The following HPSE2 variants were observed in gnomAD, a reference collection of about 807,000 sequenced individuals.
HPSE2 encodes heparanase 2 (inactive), also known as inactive heparanase-2.
A neutral mutation model predicts 60.5 loss-of-function variants in HPSE2; 38 were observed. The observed-to-expected ratio is 0.63, with a 90% CI of 0.48 to 0.82. The LOEUF (loss-of-function observed/expected upper bound fraction) is 0.82. HPSE2 is among the 40% of genes least tolerant of loss of function. The pLI is 0.00. For missense variants in HPSE2, 713 were observed against 740.4 expected (o/e 0.96, Z 0.43); for synonymous variants, 295 against 293.2 (o/e 1.01, Z -0.06).
chr10:99,176,812 A>AT (rs1358780307), intron 2 of HPSE2, among the ~76,000 whole-genome samples: 7 of 152,154 alleles, frequency 4.6e-5, no homozygotes, highest in African/African-American at 1.7e-4. Flanking sequence ...CCCAAGACAC[A>AT]TAATGATCAG....
rs916216684 is a variant in HPSE2 at position 98,873,695 on chromosome 10, T to C, written c.611-129639A>G. Reference sequence around the variant, plus strand: ...AAACATACAGGTGCATGTGTCTTTATAGTAGAATGATTTCTATTCTTTTGG... The same window carrying C: ...AAACATACAGGTGCATGTGTCTTTACAGTAGAATGATTTCTATTCTTTTGG... On this transcript the variant is annotated intron_variant, in intron 3 of 11. Transcript: ENST00000370552. Among the ~76,000 whole-genome samples the C allele has an allele frequency of 2.6e-5, 4 of 152,098 alleles. No individual in the cohort carries two copies. In the South Asian group the frequency reaches 8.3e-4, roughly 31 times the overall value.
At chr10:98,910,972 G>A (rs1953961589) in intron 3 of HPSE2, among the ~76,000 whole-genome samples, 1 of 152,110 alleles carries the variant, frequency 6.6e-6, no homozygotes, top group Admixed American at 6.6e-5. Flanking sequence ...AAAATGTTGA[G>A]ACTTTCTGAT....
chr10:99,244,173 G>A, the HPSE2 span, among the ~76,000 whole-genome samples: 1 of 150,702 alleles, frequency 6.6e-6, no homozygotes, highest in Admixed American at 6.6e-5. Flanking sequence ...GCCCGCCACC[G>A]TGCCCGGCTA....
At chr10:99,234,099 C>A (rs886100550) in intron 1 of HPSE2, among the ~76,000 whole-genome samples, 6 of 152,200 alleles carry the variant, frequency 3.9e-5, no homozygotes, top group African/African-American at 7.2e-5. Context: ...TACATTCGGA[C>A]GAGCTCATAG....
chr10:98,860,688 A>G (rs1952436951), intron 3 of HPSE2, among the ~76,000 whole-genome samples: 1 of 152,170 alleles, frequency 6.6e-6, no homozygotes, highest in African/African-American at 2.4e-5. Context: ...GCTATTAACT[A>G]CTAACCACAA....
At chr10:98,555,021 A>G (rs1283338260) in intron 9 of HPSE2, among the ~76,000 whole-genome samples, 1 of 152,236 alleles carries the variant, frequency 6.6e-6, no homozygotes, top group Non-Finnish European at 1.5e-5. Flanking sequence ...TTGTTAACAT[A>G]AATTAAATAT....
intron 3 of HPSE2, chr10:99,013,267 T>C: frequency 1.6e-6 from 1 of 632,498 alleles, no homozygotes. Flanking sequence ...TCTTGTTTAT[T>C]AGCAAAAATC....
At chr10:98,484,086 T>C (rs1941347656) in intron 10 of HPSE2, among the ~76,000 whole-genome samples, 4 of 152,244 alleles carry the variant, frequency 2.6e-5, no homozygotes, top group Admixed American at 2.6e-4. Context: ...TTAATTTGTA[T>C]TTTTAAAAAT....
intron 11 of HPSE2, among the ~76,000 whole-genome samples, chr10:98,463,868 C>T (rs976984156): frequency 6.6e-6 from 1 of 152,136 alleles, no homozygotes; most frequent in African/African-American, 2.4e-5. Flanking sequence ...CCTGTAATCC[C>T]AGCACTTTGG....
intron 3 of HPSE2, among the ~76,000 whole-genome samples, chr10:98,973,448 A>C (rs1956008545): frequency 6.6e-6 from 1 of 152,220 alleles, no homozygotes; most frequent in Non-Finnish European, 1.5e-5. Flanking sequence ...CATTAATTGC[A>C]GGCTATCCCT....
chr10:98,960,168 T>C (rs1441987940), intron 3 of HPSE2, among the ~76,000 whole-genome samples: 3 of 152,260 alleles, frequency 2.0e-5, no homozygotes, highest in Middle Eastern at 3.4e-3. Context: ...GAGAAAGTTA[T>C]TCTATTTTCA....
intron 4 of HPSE2, among the ~76,000 whole-genome samples, chr10:98,731,978 T>C (rs1949240116): frequency 6.6e-6 from 1 of 152,156 alleles, no homozygotes; most frequent in African/African-American, 2.4e-5. Flanking sequence ...TCAATTATAT[T>C]TCTAAGTACT....
the HPSE2 span, among the ~76,000 whole-genome samples, chr10:99,305,979 G>GCGCACACACACACACACACACA: frequency 4.2e-3 from 339 of 80,490 alleles, 4 homozygotes; most frequent in South Asian, 5.2e-3. Flanking sequence ...GCGCGCGCGC[G>GCGCACACACACACACACACACA]CACACACACA....
At chr10:98,765,287 C>T (rs901303323) in intron 3 of HPSE2, among the ~76,000 whole-genome samples, 1 of 152,100 alleles carries the variant, frequency 6.6e-6, no homozygotes. Flanking sequence ...TAAAAGAACT[C>T]AAATCATACA....
intron 3 of HPSE2, among the ~76,000 whole-genome samples, chr10:99,050,597 T>G (rs1202819762): frequency 6.6e-6 from 1 of 152,178 alleles, no homozygotes; most frequent in Non-Finnish European, 1.5e-5. Flanking sequence ...GGAATCAACC[T>G]AAGTGTCTAT....
At chr10:98,953,900 A>G (rs955339872) in intron 3 of HPSE2, among the ~76,000 whole-genome samples, 6 of 152,206 alleles carry the variant, frequency 3.9e-5, no homozygotes, top group African/African-American at 1.4e-4. Flanking sequence ...TGTTTTTGCC[A>G]GGATTGAAAA....
chr10:99,029,510 G>A (rs867562167), intron 3 of HPSE2, among the ~76,000 whole-genome samples: 17 of 152,338 alleles, frequency 1.1e-4, no homozygotes, highest in African/African-American at 2.9e-4. Context: ...GCAGGGTAAA[G>A]AGTGTGAGTC....
intron 9 of HPSE2, among the ~76,000 whole-genome samples, chr10:98,495,538 C>T (rs1472479279): frequency 6.6e-6 from 1 of 152,152 alleles, no homozygotes; most frequent in Non-Finnish European, 1.5e-5. Context: ...TGGTGTCCCC[C>T]AGGTCCCTTT....
chr10:98,510,344 G>T (rs1942348113), intron 9 of HPSE2, among the ~76,000 whole-genome samples: 1 of 152,128 alleles, frequency 6.6e-6, no homozygotes, highest in Non-Finnish European at 1.5e-5. Flanking sequence ...CCTAGAGCTA[G>T]CACCCCTTTC....
Sources: allele counts gnomAD v4.1 joint callset (sites outside exome capture counted in the v4.1 genomes callset), GRCh38; gene constraint gnomAD v4.1.1; transcripts MANE v1.5; gene names NCBI Gene and HGNC (gene_info 2026-07-23, HGNC 2026-07-21).